The following LSM14A variants were observed in gnomAD, a reference collection of about 807,000 sequenced individuals.
LSM14A encodes the protein protein LSM14 homolog A.
A neutral mutation model predicts 52.4 loss-of-function variants in LSM14A; 14 were observed. That is an observed-to-expected ratio of 0.27 (90% CI 0.18 to 0.42). The LOEUF (loss-of-function observed/expected upper bound fraction) is 0.42. LSM14A is among the 10% of genes least tolerant of loss of function. LSM14A has a pLI of 1.00. For synonymous variants in LSM14A, 185 were observed against 200.3 expected (o/e 0.92, Z 0.64); for missense variants, 417 against 581.8 (o/e 0.72, Z 2.91).
At chr19:34,178,242 A>G (rs545988916) in intron 1 of LSM14A, among the ~76,000 whole-genome samples, 18 of 152,274 alleles carry the variant, frequency 1.2e-4, no homozygotes, top group African/African-American at 4.3e-4. Context: ...TTATCACACC[A>G]CATAATCAAA....
intron 3 of LSM14A, among the ~76,000 whole-genome samples, chr19:34,202,668 T>C (rs775349248): frequency 1.3e-5 from 2 of 151,948 alleles, no homozygotes; most frequent in Admixed American, 1.3e-4. Context: ...ATATACCAGG[T>C]AGAATTAAAG....
At chr19:34,197,425 CTTTTTCTT>C (rs2070930117) in intron 3 of LSM14A, among the ~76,000 whole-genome samples, 1 of 110,016 alleles carries the variant, frequency 9.1e-6, no homozygotes, top group Admixed American at 1.2e-4. Flanking sequence ...TTTTTAATTT[CTTTTTCTT>C]TTTTTTTTTT....
At chr19:34,184,350 GCCTTT>G (rs2069730850) in intron 1 of LSM14A, among the ~76,000 whole-genome samples, 1 of 152,164 alleles carries the variant, frequency 6.6e-6, no homozygotes, top group African/African-American at 2.4e-5. Flanking sequence ...ACTGCGCCCA[GCCTTT>G]CCTTTGCTTT....
At chr19:34,204,084 G>T (rs998292215) in intron 3 of LSM14A, among the ~76,000 whole-genome samples, 6 of 152,148 alleles carry the variant, frequency 3.9e-5, no homozygotes, top group African/African-American at 7.2e-5. Flanking sequence ...TAAAGGTTGG[G>T]GGGGCGTTCT....
intron 1 of LSM14A, 93 bp downstream of exon 1, chr19:34,172,856 T>G: frequency 2.2e-6 from 3 of 1,377,594 alleles, no homozygotes; most frequent in Non-Finnish European, 2.9e-6. Context: ...TTCCCTCCCC[T>G]CCCTCCGTCG....
chr19:34,176,976 G>A (rs769245563), intron 1 of LSM14A, among the ~76,000 whole-genome samples: 1 of 152,188 alleles, frequency 6.6e-6, no homozygotes, highest in Non-Finnish European at 1.5e-5. Context: ...AATCCTGGTG[G>A]GTATGTAGTT....
intron 3 of LSM14A, among the ~76,000 whole-genome samples, chr19:34,206,616 A>G (rs1436572606): frequency 6.6e-6 from 1 of 152,068 alleles, no homozygotes; most frequent in African/African-American, 2.4e-5. Flanking sequence ...CGGAGGTTAC[A>G]GTTAGCTGAG....
intron 1 of LSM14A, 37 bp downstream of exon 1, chr19:34,172,800 G>A (rs376685457): frequency 1.9e-6 from 3 of 1,544,016 alleles, no homozygotes; most frequent in African/African-American, 2.9e-5. Flanking sequence ...GGGCCGAGCC[G>A]GGCGCCGCTC....
Position 34,209,097 on chromosome 19 carries a change from G to C in LSM14A, c.538+46G>C, listed in dbSNP as rs201280748. The C allele has an allele frequency of 6.0e-5, 89 of 1,485,576 alleles. 1 individual carries two copies. Among genetic ancestry groups the C allele is most frequent in the Admixed American group, 1.1e-4 (5 of 46,858 alleles). The allele number at this position is 1,485,576 out of a possible 1,614,324, so 92.0% of individuals were successfully genotyped here. ...AATATTTCCATTCTAAACTTTTATA[G>C]TGGTTTTTGTCTTTCTGAATGTAAG... On this transcript the variant is annotated intron_variant, in intron 4 of 9. Transcript: ENST00000544216.
At chr19:34,181,443 G>T (rs1219294325) in intron 1 of LSM14A, among the ~76,000 whole-genome samples, 4 of 152,178 alleles carry the variant, frequency 2.6e-5, no homozygotes, top group Admixed American at 1.3e-4. Flanking sequence ...TCCTACATAT[G>T]AAGTTTTCTT....
At chr19:34,225,419 T>G (rs2073290555) in intron 9 of LSM14A, among the ~76,000 whole-genome samples, 1 of 152,206 alleles carries the variant, frequency 6.6e-6, no homozygotes, top group South Asian at 2.1e-4. Flanking sequence ...AGATTAAACT[T>G]GTATCTGAAA....
At chr19:34,210,768 C>T (rs1221067841) in intron 4 of LSM14A, among the ~76,000 whole-genome samples, 4 of 151,154 alleles carry the variant, frequency 2.6e-5, no homozygotes, top group African/African-American at 4.9e-5. Flanking sequence ...GACGGGGTTT[C>T]GCCATGTTGC....
intron 4 of LSM14A, among the ~76,000 whole-genome samples, chr19:34,212,873 G>A (rs907895839): frequency 3.9e-5 from 6 of 152,102 alleles, no homozygotes; most frequent in Admixed American, 2.6e-4. Flanking sequence ...TAGTACTTGT[G>A]AGCCATAGGA....
In LSM14A at chr19:34,220,946, G is replaced by A. The variant is rs377517979; in HGVS notation, c.1137-561G>A. ...ATATCTGAATTTCCATTATTTTGGA[G>A]CTGTTACTATGTTTATCAGGTGTAT... is the stretch of plus-strand genomic sequence containing the variant. On this transcript the variant is annotated intron_variant, in intron 8 of 9. Coordinates refer to ENST00000544216, the MANE Select transcript of LSM14A (RefSeq NM_015578.4). Among the ~76,000 whole-genome samples the A allele has an allele frequency of 6.4e-4, 98 of 152,218 alleles. 1 individual carries two copies. The highest frequency in any genetic ancestry group is 2.3e-3 in the African/African-American group (94 of 41,546).
intron 1 of LSM14A, among the ~76,000 whole-genome samples, chr19:34,179,303 A>G (rs1161626948): frequency 6.6e-6 from 1 of 152,254 alleles, no homozygotes; most frequent in African/African-American, 2.4e-5. Flanking sequence ...GATGTTAGTC[A>G]CATAGTCATA....
chr19:34,221,814 G>A (rs1568502652), intron 9 of LSM14A, 76 bp downstream of exon 9: 12 of 1,513,002 alleles, frequency 7.9e-6, no homozygotes, highest in Middle Eastern at 1.8e-4. Flanking sequence ...ACTTGTTTTT[G>A]TTTTGGGTGA....
rs572376315 is a variant in LSM14A at position 34,220,684 on chromosome 19, A to G, written c.1136+807A>G. ...CCTCTGGTGGCAGTTGTTTGCTTCA[A>G]TATAAACATGGATGGACATAATTCT... is the stretch of plus-strand genomic sequence containing the variant. On this transcript the variant is annotated intron_variant, in intron 8 of 9. Coordinates refer to ENST00000544216, the MANE Select transcript of LSM14A (RefSeq NM_015578.4). Among the ~76,000 whole-genome samples, 63 of 152,316 alleles carry G rather than the reference A, an allele frequency of 4.1e-4. No homozygotes were observed. The South Asian group carries it at 0.011, about 27-fold the overall frequency.
intron 9 of LSM14A, among the ~76,000 whole-genome samples, chr19:34,223,011 C>T (rs905812351): frequency 6.6e-6 from 1 of 152,164 alleles, no homozygotes; most frequent in African/African-American, 2.4e-5. Flanking sequence ...GTCTTTCTTC[C>T]TAGTCTTTAA....
intron 9 of LSM14A, among the ~76,000 whole-genome samples, chr19:34,223,619 C>T (rs1339197890): frequency 6.6e-6 from 1 of 152,212 alleles, no homozygotes; most frequent in Non-Finnish European, 1.5e-5. Context: ...TGAGATGTCC[C>T]TGTCAACTAC....
Sources: gnomAD v4.1 joint callset for allele counts (sites outside exome capture counted in the v4.1 genomes callset) on GRCh38, gnomAD v4.1.1 for gene constraint, MANE v1.5 for transcripts, NCBI Gene and HGNC (gene_info 2026-07-23, HGNC 2026-07-21) for gene names.